PRDM16: variants seen among roughly 807,000 people sequenced by gnomAD.
The protein encoded by PRDM16 is PR/SET domain 16, also known as histone-lysine N-methyltransferase PRDM16.
PRDM16 carries 23 observed loss-of-function variants against 110.6 expected under a neutral mutation model. That is an observed-to-expected ratio of 0.21 (90% CI 0.15 to 0.29). The LOEUF is 0.29. PRDM16 is among the 10% of genes least tolerant of loss of function. PRDM16 has a pLI of 1.00. For missense variants in PRDM16, 1,615 were observed against 1,794.3 expected, an observed-to-expected ratio of 0.90 and a Z score of 1.81; for synonymous variants, 799 against 781.8, an observed-to-expected ratio of 1.02 and a Z score of -0.37.
intron 3 of PRDM16, among the ~76,000 whole-genome samples, chr1:3,325,710 C>T (rs1296881113): frequency 6.6e-6 from 1 of 152,194 alleles, no homozygotes; most frequent in Non-Finnish European, 1.5e-5. Context: ...CCCAGCCTCT[C>T]CAGGTCTGGT....
chr1:3,253,002 G>C (rs12409637), intron 3 of PRDM16, among the ~76,000 whole-genome samples: 1 of 151,924 alleles, frequency 6.6e-6, no homozygotes, highest in African/African-American at 2.4e-5. Flanking sequence ...AACACCAGCC[G>C]CGTGTGCAGG....
chr1:3,344,559 T>C (rs985175189), intron 3 of PRDM16, among the ~76,000 whole-genome samples: 3 of 152,230 alleles, frequency 2.0e-5, no homozygotes, highest in African/African-American at 7.2e-5. Context: ...TTTTCTAGGC[T>C]ATGGGTGACA....
intron 1 of PRDM16, among the ~76,000 whole-genome samples, chr1:3,134,406 C>T (rs1020274739): frequency 1.4e-4 from 21 of 152,356 alleles, no homozygotes; most frequent in African/African-American, 5.0e-4. Context: ...GGGGCCAATG[C>T]CCCCAAAGTC....
chr1:3,334,356 A>G (rs1192663087), intron 3 of PRDM16, among the ~76,000 whole-genome samples: 2 of 152,182 alleles, frequency 1.3e-5, no homozygotes, highest in Non-Finnish European at 2.9e-5. Context: ...GAAGGGCACA[A>G]AGGCCAGGGG....
chr1:3,257,043 G>T (rs934453536), intron 3 of PRDM16, among the ~76,000 whole-genome samples: 1 of 152,128 alleles, frequency 6.6e-6, no homozygotes, highest in Non-Finnish European at 1.5e-5. Flanking sequence ...AACACCGATG[G>T]GGGTGTTTTA....
At chr1:3,101,192 C>T (rs974151196) in intron 1 of PRDM16, among the ~76,000 whole-genome samples, 16 of 152,176 alleles carry the variant, frequency 1.1e-4, no homozygotes, top group African/African-American at 3.6e-4. Context: ...TCCTGCTCCT[C>T]CTCCCTCTGG....
chr1:3,085,254 T>C (rs186150485), intron 1 of PRDM16, among the ~76,000 whole-genome samples: 2 of 152,092 alleles, frequency 1.3e-5, no homozygotes, highest in East Asian at 3.9e-4. Flanking sequence ...GCTGGGAGGG[T>C]CTCAGAGTTT....
rs889927711 is a variant in PRDM16, at chr1:3,436,999, C to T, written c.*3188C>T. On this transcript the variant is annotated 3_prime_UTR_variant, in exon 17 of 17. Transcript: ENST00000270722. ...CCCCCAGCGAGCCGACGTCCCCACC[C>T]GTTCCTGCTCTCATCCCCAGGTTGG... is the stretch of plus-strand genomic sequence containing the variant. 1.7e-5 allele frequency: 4 copies of T among 233,046 alleles called. No homozygotes were observed. Among genetic ancestry groups the T allele is most frequent in the Admixed American group, 1.1e-4 (2 of 17,770 alleles). 14.4% of individuals were successfully genotyped at this position (233,046 alleles called of 1,614,324 possible). A position where few individuals can be genotyped will look rare whatever the true frequency, so the allele number is the denominator to read the frequency against.
chr1:3,389,710 C>T (rs148782244), intron 4 of PRDM16, among the ~76,000 whole-genome samples: 2 of 152,356 alleles, frequency 1.3e-5, no homozygotes, highest in East Asian at 1.9e-4. Flanking sequence ...CCAAGGGTCC[C>T]GCTGCTCCTG....
chr1:3,325,370 G>C (rs931423046), intron 3 of PRDM16, among the ~76,000 whole-genome samples: 1 of 152,218 alleles, frequency 6.6e-6, no homozygotes, highest in African/African-American at 2.4e-5. Flanking sequence ...TCTGGGAGAT[G>C]AACGCAGGGG....
chr1:3,194,962 G>T (rs1638427840), intron 2 of PRDM16, among the ~76,000 whole-genome samples: 1 of 152,218 alleles, frequency 6.6e-6, no homozygotes, highest in Non-Finnish European at 1.5e-5. Flanking sequence ...AGGCCAGGAA[G>T]CTTTGCCGCG....
At position 3,405,379 on chromosome 1, in the gene PRDM16, C is replaced by A. The variant is rs374836387; in HGVS notation, c.1033-116C>A. Reference sequence around the variant, plus strand: ...CCGGCCTGCTTGGTGCAGACTGCAACGTGGCAAGAGAGACAGGCAGGGCCC... The same window carrying A: ...CCGGCCTGCTTGGTGCAGACTGCAAAGTGGCAAGAGAGACAGGCAGGGCCC... On this transcript the variant is annotated intron_variant, in intron 7 of 16. Coordinates refer to ENST00000270722, the MANE Select transcript of PRDM16 (RefSeq NM_022114.4). 6 of 1,222,464 alleles carry A rather than the reference C, an allele frequency of 4.9e-6. No individual in the cohort carries two copies. The African/African-American group carries it at 9.3e-5, about 19-fold the overall frequency. The allele number at this position is 1,222,464 out of a possible 1,614,324, so 75.7% of individuals were successfully genotyped here. A position where few individuals can be genotyped will look rare whatever the true frequency, so the allele number is the denominator to read the frequency against.
chr1:3,158,917 C>T (rs1643878448), intron 1 of PRDM16, among the ~76,000 whole-genome samples: 1 of 152,088 alleles, frequency 6.6e-6, no homozygotes, highest in African/African-American at 2.4e-5. Flanking sequence ...TGGAAGGCGC[C>T]TGCCACCACA....
chr1:3,428,866 C>T (rs971325770), intron 14 of PRDM16, among the ~76,000 whole-genome samples: 5 of 152,216 alleles, frequency 3.3e-5, no homozygotes, highest in Non-Finnish European at 5.9e-5. Context: ...AGAGTGGGCC[C>T]CAATCCAGCG....
chr1:3,209,642 A>G lies in PRDM16; in HGVS notation c.387+23168A>G, dbSNP rs779838317. On this transcript the variant is annotated intron_variant, in intron 2 of 16. Coordinates refer to ENST00000270722, the MANE Select transcript of PRDM16 (RefSeq NM_022114.4). The surrounding 1 kb of genome is among the most constrained non-coding windows in gnomAD (Gnocchi z 4.6). The stretch of plus-strand genomic sequence containing the variant: ...ACTTCGGGATCCTTTGTCGAGACCA[A>G]TTGGCCACAAATGCCACCTCCTGCT... Among the ~76,000 whole-genome samples the G allele has an allele frequency of 3.3e-5, 5 of 152,152 alleles. No individual in the cohort carries two copies. Among genetic ancestry groups the G allele is most frequent in the African/African-American group, 4.8e-5 (2 of 41,432 alleles).
chr1:3,426,291 A>G, intron 14 of PRDM16, 66 bp downstream of exon 14: 2 of 1,380,872 alleles, frequency 1.4e-6, no homozygotes, highest in Non-Finnish European at 2.0e-6. Context: ...GGCCACCCTC[A>G]GAGGACATGC....
intron 3 of PRDM16, among the ~76,000 whole-genome samples, chr1:3,333,573 C>G (rs188010952): frequency 1.6e-4 from 24 of 152,292 alleles, no homozygotes; most frequent in Admixed American, 1.4e-3. Flanking sequence ...CGTCTCTCCT[C>G]CAAAAAGCCT....
intron 2 of PRDM16, among the ~76,000 whole-genome samples, chr1:3,232,333 A>T (rs1639436056): frequency 6.6e-6 from 1 of 152,212 alleles, no homozygotes; most frequent in Non-Finnish European, 1.5e-5. Flanking sequence ...ACATTGGACG[A>T]CTTAACCTAA....
chr1:3,280,304 T>C (rs1314038103), intron 3 of PRDM16, among the ~76,000 whole-genome samples: 2 of 152,240 alleles, frequency 1.3e-5, no homozygotes, highest in Non-Finnish European at 2.9e-5. Flanking sequence ...TGCACGTGTG[T>C]GTGCATGCTT....
Sources: allele counts gnomAD v4.1 joint callset (sites outside exome capture counted in the v4.1 genomes callset), GRCh38; gene constraint gnomAD v4.1.1; non-coding constraint Gnocchi (gnomAD v3.1); transcripts MANE v1.5; gene names NCBI Gene and HGNC (gene_info 2026-07-23, HGNC 2026-07-21).